The following ESR1 variants were observed in gnomAD, a reference collection of about 807,000 sequenced individuals.
ESR1 encodes estrogen receptor.
Under a neutral mutation model 52.7 loss-of-function variants are expected in ESR1, and 12 were observed. That is an observed-to-expected ratio of 0.23 (90% CI 0.15 to 0.37). ESR1 has a LOEUF of 0.37. Among genes scored for constraint, ESR1 ranks in the 10% least tolerant of loss-of-function variants. The pLI is 1.00. For synonymous variants in ESR1, 305 were observed against 316.8 expected, an observed-to-expected ratio of 0.96 and a Z score of 0.39; for missense variants, 584 against 779.7, an observed-to-expected ratio of 0.75 and a Z score of 2.99.
intron 1 of ESR1, among the ~76,000 whole-genome samples, chr6:151,683,877 T>A (rs1356071383): frequency 2.0e-5 from 3 of 150,498 alleles, no homozygotes; most frequent in Admixed American, 2.0e-4. Flanking sequence ...TTTTTTTTTT[T>A]TTTTTTTGTA....
chr6:151,716,990 G>T (rs981640249), intron 2 of ESR1, among the ~76,000 whole-genome samples: 1 of 152,200 alleles, frequency 6.6e-6, no homozygotes, highest in Non-Finnish European at 1.5e-5. Flanking sequence ...CTCCTGGTCT[G>T]CACCCAAGGG....
intron 4 of ESR1, among the ~76,000 whole-genome samples, chr6:151,998,821 C>T (rs886907827): frequency 2.0e-5 from 3 of 152,092 alleles, no homozygotes; most frequent in Admixed American, 2.0e-4. Context: ...ATTTGCTGTC[C>T]AAAACAGCAT....
intron 5 of ESR1, among the ~76,000 whole-genome samples, chr6:152,015,954 T>C (rs1299260816): frequency 6.6e-6 from 1 of 152,180 alleles, no homozygotes; most frequent in Non-Finnish European, 1.5e-5. Context: ...GTGATATGAT[T>C]TGGCTGTGTT....
intron 2 of ESR1, among the ~76,000 whole-genome samples, chr6:151,726,836 C>G (rs1781883063): frequency 6.6e-6 from 1 of 152,090 alleles, no homozygotes; most frequent in African/African-American, 2.4e-5. Flanking sequence ...TTCTTCCTAG[C>G]TCCGTAACTT....
intron 3 of ESR1, among the ~76,000 whole-genome samples, chr6:151,889,486 T>C (rs1286256075): frequency 6.6e-6 from 1 of 152,196 alleles, no homozygotes; most frequent in Non-Finnish European, 1.5e-5. Context: ...TTTGCATTTC[T>C]GTGCTATCAG....
intron 5 of ESR1, among the ~76,000 whole-genome samples, chr6:152,033,725 A>T (rs1259056950): frequency 6.6e-6 from 1 of 152,192 alleles, no homozygotes; most frequent in Admixed American, 6.5e-5. Flanking sequence ...CCATTGTGGA[A>T]TTCAGTGTGG....
chr6:152,113,834 T>C (rs1300921565), intron 6 of ESR1, among the ~76,000 whole-genome samples: 1 of 152,122 alleles, frequency 6.6e-6, no homozygotes, highest in African/African-American at 2.4e-5. Flanking sequence ...GGCACCATTA[T>C]TATCCCATTT....
intron 4 of ESR1, among the ~76,000 whole-genome samples, chr6:151,958,973 C>CGTGTGTGGGTGTGTGTGTGTGTGTGT (rs2037326713): frequency 6.7e-6 from 1 of 148,734 alleles, no homozygotes; most frequent in African/African-American, 2.5e-5. Flanking sequence ...AAAAAGTTTC[C>CGTGTGTGGGTGTGTGTGTGTGTGTGT]GTGTGTGTGT....
chr6:152,104,825 G>C (rs1246732202), downstream of ESR1, among the ~76,000 whole-genome samples: 1 of 152,154 alleles, frequency 6.6e-6, no homozygotes, highest in Non-Finnish European at 1.5e-5. Context: ...TCAGGATGGG[G>C]AATCAGCCAT....
At chr6:151,822,549 T>A in intron 1 of ESR1, among the ~76,000 whole-genome samples, 1 of 152,160 alleles carries the variant, frequency 6.6e-6, no homozygotes, top group South Asian at 2.1e-4. Flanking sequence ...AGTCAATATT[T>A]CTTCTCCTTG....
intron 2 of ESR1, among the ~76,000 whole-genome samples, chr6:151,795,869 G>A (rs1340008011): frequency 6.6e-6 from 1 of 152,138 alleles, no homozygotes; most frequent in Admixed American, 6.5e-5. Context: ...CGAAGATGTG[G>A]CCGGGTGCGG....
intron 6 of ESR1, among the ~76,000 whole-genome samples, chr6:152,062,702 G>A (rs568604292): frequency 6.6e-6 from 1 of 152,270 alleles, no homozygotes; most frequent in Non-Finnish European, 1.5e-5. Flanking sequence ...GGGCTGGCAC[G>A]TGCTGACAGC....
chr6:152,117,292 C>T (rs567756290), intron 6 of ESR1, among the ~76,000 whole-genome samples: 1 of 152,294 alleles, frequency 6.6e-6, no homozygotes, highest in East Asian at 1.9e-4. Flanking sequence ...GGCAGCTTTG[C>T]TTTCTGAGCC....
In ESR1 at chr6:151,880,181, G is replaced by GTTTTTTTTTTTTTTT. The variant is rs71017515; in HGVS notation, c.644-469_644-455dup. 1.2e-4 allele frequency among the ~76,000 whole-genome samples: 14 copies of GTTTTTTTTTTTTTTT among 116,352 alleles called. 1 individual carries two copies. The highest frequency in any genetic ancestry group is 2.2e-4 in the Non-Finnish European group (13 of 59,830). 76.3% of individuals were successfully genotyped at this position (116,352 alleles called of 152,430 possible). A position where few individuals can be genotyped will look rare whatever the true frequency, so the allele number is the denominator to read the frequency against. On this transcript the variant is annotated intron_variant, in intron 2 of 7. Transcript: ENST00000206249. ...AAGTCCACGGGAGGTTTTTTGTTCT[G>GTTTTTTTTTTTTTTT]TTTTTTTTTTTTTTTTTTTGAGATG...
chr6:151,893,059 C>T (rs1215370070), intron 3 of ESR1, among the ~76,000 whole-genome samples: 3 of 152,132 alleles, frequency 2.0e-5, no homozygotes, highest in Non-Finnish European at 2.9e-5. Context: ...GGCATGGTGG[C>T]GGGCGCCTGT....
In ESR1 at chr6:152,099,068, G is replaced by A; in HGVS notation, c.*102G>A. ...CTGTCTCCTGCATACACTCCGGCAT[G>A]CATCCAACACCAATGGCTTTCTAGA... is the stretch of plus-strand genomic sequence containing the variant. On this transcript the variant is annotated 3_prime_UTR_variant, in exon 8 of 8. Coordinates refer to ENST00000206249, the MANE Select transcript of ESR1 (RefSeq NM_000125.4). 1 of 883,260 alleles carries A rather than the reference G, an allele frequency of 1.1e-6. No homozygotes were observed. The highest frequency in any genetic ancestry group is 2.0e-5 in the Admixed American group (1 of 50,222). The allele number at this position is 883,260 out of a possible 1,614,324, so 54.7% of individuals were successfully genotyped here.
At chr6:151,989,690 G>A (rs960958454) in intron 4 of ESR1, among the ~76,000 whole-genome samples, 1 of 152,174 alleles carries the variant, frequency 6.6e-6, no homozygotes, top group Admixed American at 6.5e-5. Flanking sequence ...GTTGTCCTCA[G>A]ATCACTGGGA....
At chr6:152,097,354 C>A (rs1471770140) in intron 7 of ESR1, among the ~76,000 whole-genome samples, 4 of 151,314 alleles carry the variant, frequency 2.6e-5, no homozygotes, top group African/African-American at 9.7e-5. Context: ...GCACAAGGAA[C>A]ACAGTGGCAG....
intron 3 of ESR1, among the ~76,000 whole-genome samples, chr6:151,894,398 C>T (rs1795152589): frequency 6.6e-6 from 1 of 151,912 alleles, no homozygotes; most frequent in Admixed American, 6.6e-5. Flanking sequence ...TTAACTAAGT[C>T]CCACTTATTT....
Sources: gnomAD v4.1 joint callset for allele counts (sites outside exome capture counted in the v4.1 genomes callset) on GRCh38, gnomAD v4.1.1 for gene constraint, MANE v1.5 for transcripts, NCBI Gene and HGNC (gene_info 2026-07-23, HGNC 2026-07-21) for gene names.